The following DOCK5 variants were observed in gnomAD, a reference collection of about 807,000 sequenced individuals.
DOCK5 encodes dedicator of cytokinesis protein 5.
Under a neutral mutation model 251.8 loss-of-function variants are expected in DOCK5, and 142 were observed. The ratio of observed to expected loss-of-function variants is 0.56; its 90% confidence interval spans 0.49 to 0.65. DOCK5 has a LOEUF of 0.65. DOCK5 is among the 30% of genes least tolerant of loss of function. The pLI is 0.00. For missense variants in DOCK5, 2,111 were observed against 2,312.3 expected (o/e 0.91, Z 1.79); for synonymous variants, 842 against 835.5 (o/e 1.01, Z -0.13).
At chr8:25,319,151 A>G (rs1805352136) in intron 14 of DOCK5, among the ~76,000 whole-genome samples, 1 of 152,168 alleles carries the variant, frequency 6.6e-6, no homozygotes, top group African/African-American at 2.4e-5. Context: ...ATGCTGTGCC[A>G]ATACCCTAAG....
At chr8:25,217,597 C>G (rs1802281949) in intron 1 of DOCK5, among the ~76,000 whole-genome samples, 1 of 152,088 alleles carries the variant, frequency 6.6e-6, no homozygotes, top group Non-Finnish European at 1.5e-5. Context: ...AGTCAGCAGT[C>G]AAGGTTGGGT....
chr8:25,271,546 A>T (rs1469031217), intron 3 of DOCK5, among the ~76,000 whole-genome samples: 1 of 152,144 alleles, frequency 6.6e-6, no homozygotes, highest in Non-Finnish European at 1.5e-5. Flanking sequence ...TTTTAATGGA[A>T]ATTCTTGGTG....
In DOCK5 at chr8:25,340,880, T is replaced by G; in HGVS notation, c.2331T>G (p.Phe777Leu). The change falls in exon 23 of 52, where the codon TTT becomes TTG. Residue 777 changes from phenylalanine (F) to leucine (L), a missense_variant. Physicochemically the swap from Phe to Leu is conservative, Grantham distance 22 (BLOSUM62 0). Coordinates refer to ENST00000276440, the MANE Select transcript of DOCK5 (RefSeq NM_024940.8). ...IIQSRVLYLRFYGQSKDGDEF... is the reference protein window; with the variant it reads ...IIQSRVLYLRLYGQSKDGDEF... Reference sequence around the variant, plus strand: ...CTTTTGTCTTTTTCCTATTAAGATTTTATGGGCAGAGCAAAGATGGAGATG... The same window carrying G: ...CTTTTGTCTTTTTCCTATTAAGATTGTATGGGCAGAGCAAAGATGGAGATG... 1 of 1,613,084 alleles carries G rather than the reference T, an allele frequency of 6.2e-7. No homozygotes were observed. The highest frequency in any genetic ancestry group is 1.3e-5 in the African/African-American group (1 of 75,030).
chr8:25,217,219 CATACAATATGTATATATGT>C (rs961826455), intron 1 of DOCK5, among the ~76,000 whole-genome samples: 19 of 149,664 alleles, frequency 1.3e-4, no homozygotes, highest in East Asian at 2.0e-4. Context: ...CACATGTATA[CATACAATATGTATATATGT>C]ATACAATATG....
intron 1 of DOCK5, among the ~76,000 whole-genome samples, chr8:25,205,911 G>A (rs1048951689): frequency 2.6e-5 from 4 of 152,286 alleles, no homozygotes; most frequent in Non-Finnish European, 4.4e-5. Flanking sequence ...AAGAGAAGTG[G>A]ACATAGATTC....
Position 25,377,523 on chromosome 8 carries a change from C to T in DOCK5, c.3936+99C>T, listed in dbSNP as rs1050863303. 27 of 1,412,206 alleles carry T rather than the reference C, an allele frequency of 1.9e-5. No homozygotes were observed. The African/African-American group carries it at 3.7e-4, about 19-fold the overall frequency. The allele number at this position is 1,412,206 out of a possible 1,614,324, so 87.5% of individuals were successfully genotyped here. On this transcript the variant is annotated intron_variant, in intron 38 of 51. Coordinates refer to ENST00000276440, the MANE Select transcript of DOCK5 (RefSeq NM_024940.8). ...CACCACTTGGAGTTAGCACTGACTACCCAGGTTCAGGGCACTGTCTCCAAC... is the reference window on the plus strand; with the variant it reads ...CACCACTTGGAGTTAGCACTGACTATCCAGGTTCAGGGCACTGTCTCCAAC...
chr8:25,385,521 T>A (rs981115472), intron 40 of DOCK5, among the ~76,000 whole-genome samples: 3 of 152,032 alleles, frequency 2.0e-5, no homozygotes, highest in African/African-American at 4.8e-5. Context: ...GTTGAACCAT[T>A]TACTGGGACA....
At chr8:25,410,006 A>G in intron 50 of DOCK5, 93 bp from the exon 51 acceptor site, 4 of 1,001,220 alleles carry the variant, frequency 4.0e-6, no homozygotes, top group South Asian at 3.1e-5. Flanking sequence ...TTGGTTGACC[A>G]GGTTGGCTTA....
chr8:25,230,263 G>A (rs1802635760), intron 1 of DOCK5, among the ~76,000 whole-genome samples: 1 of 152,100 alleles, frequency 6.6e-6, no homozygotes, highest in Non-Finnish European at 1.5e-5. Flanking sequence ...GAGCACCAGT[G>A]GTATCTGAGA....
At chr8:25,240,248 G>T (rs1171393589) in intron 1 of DOCK5, among the ~76,000 whole-genome samples, 1 of 150,566 alleles carries the variant, frequency 6.6e-6, no homozygotes, top group African/African-American at 2.4e-5. Flanking sequence ...TCCCTCATCA[G>T]TAGAGTGAGG....
intron 1 of DOCK5, among the ~76,000 whole-genome samples, chr8:25,241,285 G>A (rs1242407008): frequency 6.6e-6 from 1 of 152,034 alleles, no homozygotes; most frequent in Non-Finnish European, 1.5e-5. Context: ...GACCATCCTG[G>A]CTAACATGGT....
rs186159810 is a variant in DOCK5, at chr8:25,314,358, G to A, written c.1319-2649G>A. Among the ~76,000 whole-genome samples the A allele has an allele frequency of 2.1e-4, 31 of 150,372 alleles. 1 individual carries two copies. In the East Asian group the frequency reaches 5.3e-3, roughly 26 times the overall value. On this transcript the variant is annotated intron_variant, in intron 13 of 51. Coordinates refer to ENST00000276440, the MANE Select transcript of DOCK5 (RefSeq NM_024940.8). ...AATCTTGAACTCCTGGGCTCAAGCA[G>A]TCCTCTTGCCTCTGCCTCCCAAAGT...
intron 1 of DOCK5, among the ~76,000 whole-genome samples, chr8:25,220,126 C>G (rs1028081876): frequency 2.6e-5 from 4 of 151,814 alleles, no homozygotes; most frequent in African/African-American, 9.7e-5. Flanking sequence ...TCCTCTAATA[C>G]TTGCACTGCC....
chr8:25,381,014 T>C (rs1433420384), intron 39 of DOCK5, among the ~76,000 whole-genome samples: 2 of 151,428 alleles, frequency 1.3e-5, no homozygotes, highest in African/African-American at 4.9e-5. Flanking sequence ...GCAGACACCA[T>C]TCTGAATGCC....
At position 25,395,971 on chromosome 8, in the gene DOCK5, C is replaced by G. The variant is rs547632009; in HGVS notation, c.4704+252C>G. 5 of 566,520 alleles carry G rather than the reference C, an allele frequency of 8.8e-6. No homozygotes were observed. The African/African-American group carries it at 9.5e-5, about 11-fold the overall frequency. The allele number at this position is 566,520 out of a possible 1,614,324, so 35.1% of individuals were successfully genotyped here. A position where few individuals can be genotyped will look rare whatever the true frequency, so the allele number is the denominator to read the frequency against. On this transcript the variant is annotated intron_variant, in intron 45 of 51. Transcript: ENST00000276440. ...ACCAACATGCCTCTGGTCAAAGCAC[C>G]TGTTATTCTGTCTCCCCTGAGGGTT... is the stretch of plus-strand genomic sequence containing the variant.
At chr8:25,229,247 C>T (rs1035641487) in intron 1 of DOCK5, among the ~76,000 whole-genome samples, 2 of 152,062 alleles carry the variant, frequency 1.3e-5, no homozygotes, top group African/African-American at 4.8e-5. Context: ...TTTGGGAGGC[C>T]AAGGCAGGCA....
At chr8:25,391,201 GTGTGTGTGTGTGTGTGTGTGTGT>G (rs1801253836) in intron 42 of DOCK5, among the ~76,000 whole-genome samples, 44 of 139,726 alleles carry the variant, frequency 3.1e-4, no homozygotes, top group African/African-American at 7.0e-4. Context: ...CCACACCTGT[GTGTGTGTGTGTGTGTGTGTGTGT>G]GTGTGTGTGT....
intron 2 of DOCK5, among the ~76,000 whole-genome samples, chr8:25,262,674 A>G (rs967553164): frequency 6.6e-6 from 1 of 152,140 alleles, no homozygotes; most frequent in African/African-American, 2.4e-5. Flanking sequence ...GAAGTCTTTC[A>G]ACTCTTTCAG....
chr8:25,265,533 T>A (rs1394936985), intron 2 of DOCK5, among the ~76,000 whole-genome samples: 6 of 151,890 alleles, frequency 4.0e-5, no homozygotes, highest in Non-Finnish European at 8.8e-5. Flanking sequence ...TAATGTGCCA[T>A]GTTACCAACC....
Sources: allele counts gnomAD v4.1 joint callset (sites outside exome capture counted in the v4.1 genomes callset), GRCh38; gene constraint gnomAD v4.1.1; transcripts MANE v1.5; gene names NCBI Gene and HGNC (gene_info 2026-07-23, HGNC 2026-07-21).